NDUFAF6: variants seen among roughly 807,000 people sequenced by gnomAD.
NDUFAF6 encodes NADH:ubiquinone oxidoreductase complex assembly factor 6.
A neutral mutation model predicts 40.8 loss-of-function variants in NDUFAF6; 45 were observed. The observed-to-expected ratio is 1.10, with a 90% confidence interval of 0.87 to 1.42. The LOEUF is 1.42. NDUFAF6 is among the 40% of genes most tolerant of loss of function. The pLI, the probability that NDUFAF6 is intolerant of heterozygous loss-of-function variation, is 0.00. For missense variants in NDUFAF6, 435 were observed against 418.5 expected (o/e 1.04, Z -0.34); for synonymous variants, 185 against 155.9 (o/e 1.19, Z -1.39).
intron 9 of NDUFAF6, among the ~76,000 whole-genome samples, chr8:95,073,344 A>G (rs964523922): frequency 2.0e-5 from 3 of 152,234 alleles, no homozygotes. Flanking sequence ...AAAGACAGGA[A>G]GCTGTCGCCC....
At chr8:95,064,820 C>T (rs1832663728) in intron 9 of NDUFAF6, among the ~76,000 whole-genome samples, 5 of 152,136 alleles carry the variant, frequency 3.3e-5, no homozygotes. Context: ...AGGAATGCTC[C>T]TCAGAGAAGC....
intron 2 of NDUFAF6, among the ~76,000 whole-genome samples, chr8:94,989,710 G>T (rs538399806): frequency 2.0e-5 from 3 of 152,086 alleles, no homozygotes; most frequent in African/African-American, 7.2e-5. Context: ...GATTATACCT[G>T]TTCCATTGCT....
At chr8:94,996,299 G>A in intron 2 of NDUFAF6, among the ~76,000 whole-genome samples, 1 of 152,070 alleles carries the variant, frequency 6.6e-6, no homozygotes, top group Admixed American at 6.6e-5. Context: ...TCTGTGCCCA[G>A]GAACCAGGTC....
At chr8:95,099,100 C>T (rs1308739782), upstream of NDUFAF6, among the ~76,000 whole-genome samples, 11 of 151,756 alleles carry the variant, frequency 7.2e-5, no homozygotes, top group African/African-American at 2.7e-4. Flanking sequence ...ATTAGCTGGG[C>T]GTGGTGGCAG....
intron 1 of NDUFAF6, among the ~76,000 whole-genome samples, chr8:94,924,804 A>G (rs1054042023): frequency 6.6e-6 from 1 of 152,086 alleles, no homozygotes; most frequent in African/African-American, 2.4e-5. Context: ...GTGCAGTGGC[A>G]TGATCTTGGC....
At chr8:94,948,876 G>C (rs1822269846) in intron 2 of NDUFAF6, among the ~76,000 whole-genome samples, 2 of 151,794 alleles carry the variant, frequency 1.3e-5, no homozygotes, top group African/African-American at 4.8e-5. Flanking sequence ...CCAGCGCCGG[G>C]GCCAGGCCGG....
At chr8:95,117,718 C>G (rs967874415), downstream of NDUFAF6, among the ~76,000 whole-genome samples, 38 of 152,158 alleles carry the variant, frequency 2.5e-4, no homozygotes, top group African/African-American at 8.4e-4. Context: ...TGACATATGT[C>G]TCTTCCGGGC....
At chr8:94,984,697 G>A (rs1825694031) in intron 2 of NDUFAF6, among the ~76,000 whole-genome samples, 3 of 152,330 alleles carry the variant, frequency 2.0e-5, no homozygotes, top group African/African-American at 7.2e-5. Flanking sequence ...CATCTATTAA[G>A]AGTAGACTTT....
At chr8:94,976,926 G>A (rs558052397) in intron 1 of NDUFAF6, among the ~76,000 whole-genome samples, 4 of 151,988 alleles carry the variant, frequency 2.6e-5, no homozygotes, top group African/African-American at 7.3e-5. Context: ...CCAGTCAGGC[G>A]GATCGCTTGA....
At chr8:94,909,311 T>C (rs561201022) in intron 1 of NDUFAF6, among the ~76,000 whole-genome samples, 96 of 137,110 alleles carry the variant, frequency 7.0e-4, no homozygotes, top group African/African-American at 2.7e-3. Context: ...ATTGCACCAC[T>C]GCACTCCAGC....
At chr8:94,909,375 A>AAAAAAC (rs1563700247) in intron 1 of NDUFAF6, among the ~76,000 whole-genome samples, 1 of 55,846 alleles carries the variant, frequency 1.8e-5, no homozygotes, top group African/African-American at 5.2e-5. Flanking sequence ...AAAAAAAAAA[A>AAAAAAC]AAAAAAACAC....
At chr8:95,105,718 G>GGA (rs768711683), downstream of NDUFAF6, among the ~76,000 whole-genome samples, 29 of 152,028 alleles carry the variant, frequency 1.9e-4, no homozygotes, top group Non-Finnish European at 3.4e-4. Flanking sequence ...GGCCAGGCTG[G>GGA]TCTTGAACTC....
At chr8:94,944,779 G>A (rs1379042177) in intron 1 of NDUFAF6, among the ~76,000 whole-genome samples, 1 of 152,194 alleles carries the variant, frequency 6.6e-6, no homozygotes, top group Non-Finnish European at 1.5e-5. Flanking sequence ...CAGGTGGCTG[G>A]AGCTAAATTG....
At chr8:94,979,188 A>G (rs577418860) in intron 1 of NDUFAF6, among the ~76,000 whole-genome samples, 56 of 152,314 alleles carry the variant, frequency 3.7e-4, no homozygotes, top group Middle Eastern at 3.4e-3. Flanking sequence ...TTTTTCTCAG[A>G]TGCAAATCCC....
At chr8:94,910,442 C>T (rs1425272076) in intron 1 of NDUFAF6, among the ~76,000 whole-genome samples, 4 of 152,152 alleles carry the variant, frequency 2.6e-5, no homozygotes, top group African/African-American at 7.2e-5. Context: ...CATGAGCCAC[C>T]GCGCCTGGCC....
chr8:95,012,667 T>TAAATAAAC lies in NDUFAF6; in HGVS notation c.-83-19325_-83-19324insTAAACAAA, dbSNP rs753278652. 5.0e-3 allele frequency among the ~76,000 whole-genome samples: 756 copies of TAAATAAAC among 150,526 alleles called. 4 individuals are homozygous for TAAATAAAC. The highest frequency in any genetic ancestry group is 6.8e-3 in the Non-Finnish European group (457 of 67,360). ...TAAAATAAATAAATAAATAAATAAA[T>TAAATAAAC]AAACAAATAAAAATTAGCCAGGTAT... On this transcript the variant is annotated intron_variant, in intron 2 of 9. Coordinates refer to the NDUFAF6 transcript ENST00000396111.
intron 3 of NDUFAF6, among the ~76,000 whole-genome samples, chr8:95,035,812 C>A (rs1177371506): frequency 6.6e-6 from 1 of 152,238 alleles, no homozygotes; most frequent in African/African-American, 2.4e-5. Flanking sequence ...TTAGTCTCTA[C>A]ATAATAACTT....
chr8:94,964,791 G>A (rs1823877947), intron 1 of NDUFAF6, among the ~76,000 whole-genome samples: 1 of 152,142 alleles, frequency 6.6e-6, no homozygotes, highest in Non-Finnish European at 1.5e-5. Context: ...ACATTGGTGG[G>A]GGTCACATTT....
At chr8:94,992,767 C>T (rs1448902028) in intron 2 of NDUFAF6, among the ~76,000 whole-genome samples, 3 of 152,214 alleles carry the variant, frequency 2.0e-5, no homozygotes, top group Admixed American at 1.3e-4. Context: ...TTGGTTCGCT[C>T]ATAATTCTCT....
Sources: gnomAD v4.1 joint callset for allele counts (sites outside exome capture counted in the v4.1 genomes callset) on GRCh38, gnomAD v4.1.1 for gene constraint, MANE v1.5 for transcripts, NCBI Gene and HGNC (gene_info 2026-07-23, HGNC 2026-07-21) for gene names.